The following SUSD4 variants were observed in gnomAD, a reference collection of about 807,000 sequenced individuals.
SUSD4 encodes the protein sushi domain-containing protein 4.
A neutral mutation model predicts 50.5 loss-of-function variants in SUSD4; 41 were observed. That is an observed-to-expected ratio of 0.81 (90% CI 0.63 to 1.05). The LOEUF is 1.05. Ranked by LOEUF, SUSD4 falls within the 50% of genes least tolerant of loss-of-function variation. SUSD4 has a pLI of 0.00. For synonymous variants in SUSD4, 257 were observed against 257.3 expected (o/e 1.00, Z 0.01); for missense variants, 580 against 634.7 (o/e 0.91, Z 0.93).
chr1:223,335,933 C>A (rs1179041099), intron 2 of SUSD4, among the ~76,000 whole-genome samples: 1 of 151,656 alleles, frequency 6.6e-6, no homozygotes, highest in Non-Finnish European at 1.5e-5. Flanking sequence ...GGGAAGAATT[C>A]ATTATACTGT....
At chr1:223,253,507 A>G (rs976952647) in intron 5 of SUSD4, among the ~76,000 whole-genome samples, 1 of 152,174 alleles carries the variant, frequency 6.6e-6, no homozygotes, top group African/African-American at 2.4e-5. Flanking sequence ...AATTACGGCA[A>G]TGGTTTATGA....
chr1:223,272,716 G>C (rs1004382378), intron 3 of SUSD4, among the ~76,000 whole-genome samples: 2 of 152,116 alleles, frequency 1.3e-5, no homozygotes, highest in East Asian at 3.9e-4. Flanking sequence ...GTAGATTAAA[G>C]GCTCGAACGG....
chr1:223,247,152 T>C (rs1571876249), intron 5 of SUSD4, among the ~76,000 whole-genome samples: 1 of 152,272 alleles, frequency 6.6e-6, no homozygotes, highest in South Asian at 2.1e-4. Context: ...TGCATTCACA[T>C]CTACCCCACA....
At chr1:223,254,667 C>G (rs1443584763) in intron 5 of SUSD4, among the ~76,000 whole-genome samples, 1 of 151,878 alleles carries the variant, frequency 6.6e-6, no homozygotes, top group East Asian at 1.9e-4. Flanking sequence ...ACAAAAAGAT[C>G]AGTGTTTCTG....
At chr1:223,226,914 A>G (rs1216600868) in intron 7 of SUSD4, among the ~76,000 whole-genome samples, 1 of 152,194 alleles carries the variant, frequency 6.6e-6, no homozygotes, top group Non-Finnish European at 1.5e-5. Context: ...ATGATTTGCC[A>G]GCAGTAGTGC....
intron 2 of SUSD4, among the ~76,000 whole-genome samples, chr1:223,344,245 T>C (rs139361261): frequency 6.6e-4 from 100 of 152,040 alleles, no homozygotes; most frequent in African/African-American, 2.3e-3. Context: ...TTCAAAGAGA[T>C]GGGTGATGTG....
intron 3 of SUSD4, among the ~76,000 whole-genome samples, chr1:223,269,553 C>G (rs528795545): frequency 6.6e-6 from 1 of 152,268 alleles, no homozygotes; most frequent in Non-Finnish European, 1.5e-5. Context: ...TAAGTCATCC[C>G]ATCTGGTTTA....
At chr1:223,313,853 C>T (rs1489412827) in intron 2 of SUSD4, among the ~76,000 whole-genome samples, 4 of 152,228 alleles carry the variant, frequency 2.6e-5, no homozygotes, top group African/African-American at 9.6e-5. Flanking sequence ...AGCACCACGG[C>T]AGCTTACAAA....
intron 2 of SUSD4, among the ~76,000 whole-genome samples, chr1:223,357,517 C>T (rs1339587139): frequency 6.6e-6 from 1 of 152,164 alleles, no homozygotes; most frequent in Non-Finnish European, 1.5e-5. Flanking sequence ...TTGATCTTTC[C>T]ATGCCTTCTT....
intron 3 of SUSD4, among the ~76,000 whole-genome samples, chr1:223,290,689 G>GA (rs1014318554): frequency 1.2e-4 from 18 of 146,354 alleles, no homozygotes; most frequent in Middle Eastern, 3.5e-3. Context: ...AATAAGTAGA[G>GA]AAAAAAAAAA....
At chr1:223,303,216 T>C (rs942703785) in intron 2 of SUSD4, among the ~76,000 whole-genome samples, 1 of 152,186 alleles carries the variant, frequency 6.6e-6, no homozygotes, top group African/African-American at 2.4e-5. Context: ...TAAGTATTCC[T>C]TGACCTCTGT....
intron 5 of SUSD4, among the ~76,000 whole-genome samples, chr1:223,237,335 T>C (rs1312975571): frequency 6.6e-6 from 1 of 152,064 alleles, no homozygotes; most frequent in African/African-American, 2.4e-5. Context: ...CTATATATCT[T>C]TTATTTCCTT....
intron 3 of SUSD4, among the ~76,000 whole-genome samples, chr1:223,273,052 G>A (rs1436651367): frequency 6.6e-6 from 1 of 152,200 alleles, no homozygotes; most frequent in South Asian, 2.1e-4. Flanking sequence ...AGGGGCCCCT[G>A]AGGAAATGAC....
chr1:223,253,408 A>T (rs992305949), intron 5 of SUSD4, among the ~76,000 whole-genome samples: 4 of 152,210 alleles, frequency 2.6e-5, no homozygotes, highest in African/African-American at 9.6e-5. Flanking sequence ...AATGAATGAC[A>T]TGAGACAAAA....
intron 4 of SUSD4, among the ~76,000 whole-genome samples, chr1:223,266,884 T>C (rs1186947921): frequency 2.6e-5 from 4 of 152,236 alleles, no homozygotes; most frequent in African/African-American, 7.2e-5. Context: ...TGAGCAACAC[T>C]GGAGCAGTGG....
intron 2 of SUSD4, among the ~76,000 whole-genome samples, chr1:223,311,490 G>C (rs1486393734): frequency 2.0e-5 from 3 of 152,176 alleles, no homozygotes; most frequent in Non-Finnish European, 4.4e-5. Context: ...AGTCACTAAA[G>C]GGCAGGGAGG....
At chr1:223,343,065 C>T (rs984860459) in intron 2 of SUSD4, among the ~76,000 whole-genome samples, 1 of 152,026 alleles carries the variant, frequency 6.6e-6, no homozygotes, top group Non-Finnish European at 1.5e-5. Context: ...CACAAATAGC[C>T]AATAAAAAGA....
chr1:223,263,956 C>T lies in SUSD4; in HGVS notation c.724+674G>A, dbSNP rs916042583. On this transcript the variant is annotated intron_variant, in intron 5 of 8. Coordinates refer to ENST00000366878, the MANE Select transcript of SUSD4 (RefSeq NM_017982.4). ...TGAGAAACACATTGGAGCTTGTTCT[C>T]TTCGGGCATACTTTCAAGATCTGAG... 6 of 985,282 alleles carry T rather than the reference C, an allele frequency of 6.1e-6. No homozygotes were observed. The South Asian group carries it at 2.8e-4, about 46-fold the overall frequency. The allele number at this position is 985,282 out of a possible 1,614,324, so 61.0% of individuals were successfully genotyped here.
intron 5 of SUSD4, among the ~76,000 whole-genome samples, chr1:223,257,387 A>G (rs1189114381): frequency 6.6e-6 from 1 of 152,118 alleles, no homozygotes; most frequent in Non-Finnish European, 1.5e-5. Context: ...TAGGCAAGGA[A>G]GGGAGTGAAG....
Sources: allele counts gnomAD v4.1 joint callset (sites outside exome capture counted in the v4.1 genomes callset), GRCh38; gene constraint gnomAD v4.1.1; transcripts MANE v1.5; gene names NCBI Gene and HGNC (gene_info 2026-07-23, HGNC 2026-07-21).